The following COL4A5 variants were observed in gnomAD, a reference collection of about 807,000 sequenced individuals.
The protein encoded by COL4A5 is collagen type IV alpha 5 chain, also known as collagen alpha-5(IV) chain.
COL4A5 carries 26 observed loss-of-function variants against 130.2 expected under a neutral mutation model. The ratio of observed to expected loss-of-function variants is 0.20; its 90% CI spans 0.15 to 0.28. The LOEUF (loss-of-function observed/expected upper bound fraction) is 0.28, where lower values mean the gene tolerates loss of function less well. Ranked by LOEUF, COL4A5 falls within the 10% of genes least tolerant of loss-of-function variation. The pLI is 1.00. For missense variants in COL4A5, 1,131 were observed against 1,344.3 expected, an observed-to-expected ratio of 0.84 and a Z score of 2.48; for synonymous variants, 496 against 439.6, an observed-to-expected ratio of 1.13 and a Z score of -1.60.
chrX:108,649,101 C>G (rs779794913), intron 36 of COL4A5, among the ~76,000 whole-genome samples: 1 of 110,919 alleles, frequency 9.0e-6, no homozygotes, highest in East Asian at 2.8e-4. Context: ...CCAACAGTGA[C>G]CAAGCAGAGA....
intron 2 of COL4A5, among the ~76,000 whole-genome samples, chrX:108,551,162 A>G (rs1291305203): frequency 8.9e-6 from 1 of 112,046 alleles, no homozygotes; most frequent in East Asian, 2.8e-4. Context: ...ATTAAACTAA[A>G]GAGCTTCTGT....
intron 8 of COL4A5, among the ~76,000 whole-genome samples, chrX:108,572,141 C>T (rs1264454477): frequency 1.8e-5 from 2 of 111,157 alleles, no homozygotes; most frequent in African/African-American, 3.3e-5. Context: ...TACTTTTTTC[C>T]CTGGCCTCTG....
At chrX:108,628,729 G>A (rs28367319) in intron 36 of COL4A5, among the ~76,000 whole-genome samples, 43,295 of 110,274 alleles carry the variant, frequency 0.39, 8,008 homozygotes, top group East Asian at 0.72. Context: ...TGTGCATTTC[G>A]TTATGTAGAT....
chrX:108,521,271 G>A (rs961726815), intron 1 of COL4A5, among the ~76,000 whole-genome samples: 1 of 110,952 alleles, frequency 9.0e-6, no homozygotes, highest in East Asian at 2.8e-4. Context: ...TCTAGAATGC[G>A]TTGGAGGAAA....
At position 108,644,186 on chromosome X, in the gene COL4A5, C is replaced by G. The variant is rs767083616; in HGVS notation, c.3247-11145C>G. Among the ~76,000 whole-genome samples, 3 of 112,010 alleles carry G rather than the reference C, an allele frequency of 2.7e-5. No individual in the cohort carries two copies. The East Asian group carries it at 8.4e-4, about 32-fold the overall frequency. On this transcript the variant is annotated intron_variant, in intron 36 of 52. Transcript: ENST00000328300. The stretch of plus-strand genomic sequence containing the variant: ...AGGGCCTTGTCCAACAGGAAAATAT[C>G]ACAATCCTAAATATATATGCACCTA...
chrX:108,444,646 G>T (rs1028892142), intron 1 of COL4A5, among the ~76,000 whole-genome samples: 18 of 112,123 alleles, frequency 1.6e-4, no homozygotes, highest in African/African-American at 5.8e-4. Flanking sequence ...CATGCTTATT[G>T]CTACTGAGGT....
At position 108,681,757 on chromosome X, in the gene COL4A5, T is replaced by C. The variant is rs748750912; in HGVS notation, c.4088-3T>C. On this transcript the variant is annotated splice_polypyrimidine_tract_variant and splice_region_variant and intron_variant, in intron 46 of 52. Transcript: ENST00000328300. ...CTTCAAATTTGTGTGTTTTGTCTCA[T>C]AGGTCCTCCTGGATTACCTGGTCCT... 1.1e-5 allele frequency: 13 copies of C among 1,208,878 alleles called. 1 individual carries two copies. In the East Asian group the frequency reaches 3.6e-4, roughly 33 times the overall value.
intron 37 of COL4A5, among the ~76,000 whole-genome samples, chrX:108,663,267 G>C (rs1423644206): frequency 9.0e-6 from 1 of 111,717 alleles, no homozygotes; most frequent in East Asian, 2.8e-4. Context: ...GAGAAAAAAA[G>C]GCTGTAGTGG....
intron 4 of COL4A5, 64 bp from the exon 5 acceptor site, chrX:108,568,565 G>T: frequency 1.3e-6 from 1 of 762,226 alleles, no homozygotes; most frequent in Non-Finnish European, 2.0e-6. Context: ...AATATCCTTA[G>T]GTAGGATATT....
chrX:108,495,647 G>C (rs780401880), intron 1 of COL4A5, among the ~76,000 whole-genome samples: 1 of 111,455 alleles, frequency 9.0e-6, no homozygotes, highest in Non-Finnish European at 1.9e-5. Flanking sequence ...TCCCTGAATG[G>C]GCAAAAAACA....
chrX:108,466,552 A>G (rs747832349), intron 1 of COL4A5, among the ~76,000 whole-genome samples: 4 of 111,644 alleles, frequency 3.6e-5, no homozygotes, highest in Non-Finnish European at 7.5e-5. Context: ...GCTTGTTGGC[A>G]ATTTGTATAT....
intron 1 of COL4A5, among the ~76,000 whole-genome samples, chrX:108,500,079 CA>C (rs2065066658): frequency 8.9e-6 from 1 of 111,899 alleles, no homozygotes; most frequent in Non-Finnish European, 1.9e-5. Flanking sequence ...CTATTCTTTT[CA>C]GACCAAGAGT....
intron 1 of COL4A5, among the ~76,000 whole-genome samples, chrX:108,534,643 G>GTCAT (rs1485527195): frequency 9.0e-6 from 1 of 111,144 alleles, no homozygotes; most frequent in Admixed American, 9.5e-5. Flanking sequence ...TATTAAAGAT[G>GTCAT]TCATTCCGTG....
chrX:108,657,828 T>A (rs988761807), intron 37 of COL4A5, among the ~76,000 whole-genome samples: 14 of 111,670 alleles, frequency 1.3e-4, no homozygotes, highest in Admixed American at 9.5e-4. Context: ...ATTGAAATAA[T>A]ATATGAGAAA....
At chrX:108,693,072 G>T in intron 50 of COL4A5, 147 bp downstream of exon 50, 2 of 695,442 alleles carry the variant, frequency 2.9e-6, no homozygotes, top group Admixed American at 2.6e-5. Flanking sequence ...TATTTAGTTT[G>T]ACTCATATTT....
intron 44 of COL4A5, among the ~76,000 whole-genome samples, chrX:108,680,369 G>A (rs1471208776): frequency 9.0e-6 from 1 of 111,344 alleles, no homozygotes; most frequent in Non-Finnish European, 1.9e-5. Flanking sequence ...GTTAGCCATG[G>A]GAAGTTCATT....
At chrX:108,534,855 CTG>C (rs1025619359) in intron 1 of COL4A5, among the ~76,000 whole-genome samples, 2 of 110,881 alleles carry the variant, frequency 1.8e-5, no homozygotes, top group African/African-American at 6.5e-5. Context: ...TCACAAATAT[CTG>C]TAGATTTTTC....
intron 2 of COL4A5, among the ~76,000 whole-genome samples, chrX:108,544,043 G>A (rs2065598450): frequency 8.9e-6 from 1 of 112,044 alleles, no homozygotes; most frequent in Non-Finnish European, 1.9e-5. Context: ...ATACAATCAT[G>A]TCATCTGCAA....
chrX:108,556,564 A>G (rs974525103), intron 2 of COL4A5, among the ~76,000 whole-genome samples: 3 of 111,822 alleles, frequency 2.7e-5, no homozygotes, highest in African/African-American at 9.7e-5. Flanking sequence ...ATGGGCAGGC[A>G]GCATAAACCG....
Sources: allele counts gnomAD v4.1 joint callset (sites outside exome capture counted in the v4.1 genomes callset), GRCh38; gene constraint gnomAD v4.1.1; transcripts MANE v1.5; gene names NCBI Gene and HGNC (gene_info 2026-07-23, HGNC 2026-07-21).